COG2: variants seen among roughly 807,000 people sequenced by gnomAD.
The protein encoded by COG2 is component of oligomeric golgi complex 2, also known as conserved oligomeric Golgi complex subunit 2.
A neutral mutation model predicts 90.6 loss-of-function variants in COG2; 52 were observed. The ratio of observed to expected loss-of-function variants is 0.57; its 90% confidence interval spans 0.46 to 0.72. COG2 has a LOEUF of 0.72. Ranked by LOEUF, COG2 falls within the 30% of genes least tolerant of loss-of-function variation. The probability of loss-of-function intolerance (pLI) is 0.00; values close to 1 mark genes in which losing one functional copy is unlikely to be tolerated. For synonymous variants in COG2, 337 were observed against 320.4 expected, an observed-to-expected ratio of 1.05 and a Z score of -0.55; for missense variants, 829 against 891.2, an observed-to-expected ratio of 0.93 and a Z score of 0.89.
chr1:230,666,087 C>G (rs1247780143), intron 5 of COG2, among the ~76,000 whole-genome samples: 1 of 152,124 alleles, frequency 6.6e-6, no homozygotes, highest in Non-Finnish European at 1.5e-5. Flanking sequence ...TTCTGTAGTC[C>G]TCAGACTCAT....
At chr1:230,647,551 A>G (rs1004301301) in intron 1 of COG2, among the ~76,000 whole-genome samples, 1 of 152,122 alleles carries the variant, frequency 6.6e-6, no homozygotes, top group Non-Finnish European at 1.5e-5. Context: ...GCTTATCTCA[A>G]TACTCTTTGC....
At chr1:230,690,184 C>T in intron 16 of COG2, 31 bp downstream of exon 16, 2 of 1,604,662 alleles carry the variant, frequency 1.2e-6, no homozygotes, top group Non-Finnish European at 1.7e-6. Flanking sequence ...CCTTGTGGGC[C>T]TTGCTTAGAA....
At position 230,691,486 on chromosome 1, in the gene COG2, C is replaced by T. The variant is rs528401648; in HGVS notation, c.2037C>T (p.Val679=). Residue 679 remains valine (V), a synonymous_variant, in exon 17 of 18, where the codon GTC becomes GTT. Transcript: ENST00000366669. The stretch of plus-strand genomic sequence containing the variant: ...GAAAAACCACTCCCGCCAACCCCGT[C>T]GGTCCCAGTGGTGGCATGAGCGACG... ...QARKTTPANP[V]GPSGGMSDDD... 2.6e-4 allele frequency: 420 copies of T among 1,614,144 alleles called. 6 individuals carry two copies. The South Asian group carries it at 4.2e-3, about 16-fold the overall frequency.
rs533896357 is a variant in COG2 at position 230,677,316 on chromosome 1, G to A, written c.1027-1597G>A. Among the ~76,000 whole-genome samples the A allele has an allele frequency of 4.5e-4, 69 of 152,168 alleles. 1 individual carries two copies. Among genetic ancestry groups the A allele is most frequent in the Non-Finnish European group, 6.3e-4 (43 of 68,010 alleles). ...TTGTTGTTTGTCTAGCCTCCCTGGC[G>A]AATTTGTTTATTAATTTTTTAAGTG... is the stretch of plus-strand genomic sequence containing the variant. On this transcript the variant is annotated intron_variant, in intron 9 of 17. Coordinates refer to ENST00000366669, the MANE Select transcript of COG2 (RefSeq NM_007357.3).
intron 5 of COG2, among the ~76,000 whole-genome samples, chr1:230,667,416 A>G (rs922869981): frequency 6.6e-6 from 1 of 151,810 alleles, no homozygotes; most frequent in Non-Finnish European, 1.5e-5. Context: ...TTATTGTATT[A>G]TATTATATTC....
rs938169542 is a variant in COG2 at position 230,642,525 on chromosome 1, G to T, written c.-82G>T. 15 of 1,414,008 alleles carry T rather than the reference G, an allele frequency of 1.1e-5. No individual in the cohort carries two copies. The highest frequency in any genetic ancestry group is 1.3e-5 in the Non-Finnish European group (13 of 1,025,660). The allele number at this position is 1,414,008 out of a possible 1,614,324, so 87.6% of individuals were successfully genotyped here. On this transcript the variant is annotated 5_prime_UTR_variant, in exon 1 of 18. Coordinates refer to ENST00000366669, the MANE Select transcript of COG2 (RefSeq NM_007357.3). ...CCCCTGTGCCGTGGAAACTGGCGGT[G>T]GCCGCGGCCGCCGAGTCGGTCTGCG...
Position 230,691,402 on chromosome 1 carries a change from A to G in COG2, c.1953A>G (p.Ser651=). 1.2e-6 allele frequency: 2 copies of G among 1,613,496 alleles called. No homozygotes were observed. Among genetic ancestry groups the G allele is most frequent in the Non-Finnish European group, 1.7e-6 (2 of 1,179,826 alleles). ...ATTCAAGGTACTATGAAACCGTGTCAGATGTATTAAACTCTGTGAAGAAGA... is the reference window on the plus strand; with the variant it reads ...ATTCAAGGTACTATGAAACCGTGTCGGATGTATTAAACTCTGTGAAGAAGA... ...ESTHKYYETV[S]DVLNSVKKME... The change falls in exon 17 of 18, where the codon TCA becomes TCG. Residue 651 remains serine, a synonymous_variant. Coordinates refer to ENST00000366669, the MANE Select transcript of COG2 (RefSeq NM_007357.3).
At chr1:230,687,350 TCTC>T (rs900957543) in intron 13 of COG2, among the ~76,000 whole-genome samples, 3 of 152,222 alleles carry the variant, frequency 2.0e-5, no homozygotes, top group South Asian at 2.1e-4. Flanking sequence ...GGTGTGCACT[TCTC>T]CTCCTGTGTG....
intron 12 of COG2, among the ~76,000 whole-genome samples, chr1:230,685,449 T>A (rs568591344): frequency 1.6e-4 from 24 of 152,268 alleles, no homozygotes; most frequent in Non-Finnish European, 2.9e-4. Flanking sequence ...ATCACAAACT[T>A]ATTTTGTTGA....
At chr1:230,679,189 G>A (rs1392571460) in intron 10 of COG2, 137 bp downstream of exon 10, 8 of 804,172 alleles carry the variant, frequency 9.9e-6, no homozygotes. Context: ...ATTGAAAGTG[G>A]AGAAAGAGAT....
chr1:230,680,850 C>T (rs1662727505), intron 10 of COG2: 1 of 152,138 alleles, frequency 6.6e-6, no homozygotes, highest in Admixed American at 6.5e-5. Context: ...AAAAGTTCCG[C>T]AAACATGATT....
At chr1:230,643,207 C>T (rs1338520329) in intron 1 of COG2, among the ~76,000 whole-genome samples, 1 of 152,218 alleles carries the variant, frequency 6.6e-6, no homozygotes, top group Non-Finnish European at 1.5e-5. Context: ...CAAAGCAAAC[C>T]ATTACTCTTT....
At chr1:230,669,315 C>CA (rs762983711) in intron 6 of COG2, 41 bp from the exon 7 acceptor site, 2 of 1,574,204 alleles carry the variant, frequency 1.3e-6, no homozygotes. Context: ...GAAACTGTTA[C>CA]AACTAGAGCT....
At chr1:230,651,191 A>G (rs1661905800) in intron 1 of COG2, among the ~76,000 whole-genome samples, 1 of 152,036 alleles carries the variant, frequency 6.6e-6, no homozygotes, top group South Asian at 2.1e-4. Context: ...ATACAGAATG[A>G]TGATGTCTGG....
At position 230,659,587 on chromosome 1, in the gene COG2, A is replaced by G. The variant is rs762672649; in HGVS notation, c.196A>G (p.Lys66Glu). 1 of 1,614,072 alleles carries G rather than the reference A, an allele frequency of 6.2e-7. No individual in the cohort carries two copies. Among genetic ancestry groups the G allele is most frequent in the Admixed American group, 1.7e-5 (1 of 60,016 alleles). ...LKTAMVELIN[K>E]DYADFVNLST... ...AACAGCCATGGTCGAACTCATCAAC[A>G]AGGATTATGCAGATTTTGTCAATCT... is the stretch of plus-strand genomic sequence containing the variant. Residue 66 changes from lysine to glutamate, a missense_variant, in exon 2 of 18, where the codon AAG becomes GAG. By Grantham distance (56) the Lys-to-Glu change is moderately conservative. Coordinates refer to ENST00000366669, the MANE Select transcript of COG2 (RefSeq NM_007357.3).
Position 230,659,743 on chromosome 1 carries a change from T to G in COG2, c.234+118T>G, listed in dbSNP as rs889591623. On this transcript the variant is annotated intron_variant, in intron 2 of 17. Coordinates refer to ENST00000366669, the MANE Select transcript of COG2 (RefSeq NM_007357.3). ...TTTAGTTGATGTCCTCACAGAAATT[T>G]GAAGAGATCCCTAATGTCATCAATA... 4 of 1,046,638 alleles carry G rather than the reference T, an allele frequency of 3.8e-6. No homozygotes were observed. The African/African-American group carries it at 6.5e-5, about 17-fold the overall frequency. 64.8% of individuals were successfully genotyped at this position (1,046,638 alleles called of 1,614,324 possible).
At chr1:230,688,645 C>T (rs1662945556) in intron 15 of COG2, 83 bp downstream of exon 15, 8 of 1,466,196 alleles carry the variant, frequency 5.5e-6, no homozygotes, top group Admixed American at 3.4e-5. Context: ...AAGGAAGCGG[C>T]GGATTCCCAG....
intron 8 of COG2, 37 bp from the exon 9 acceptor site, chr1:230,674,961 A>C (rs766717659): frequency 6.5e-7 from 1 of 1,529,438 alleles, no homozygotes; most frequent in Non-Finnish European, 8.9e-7. Context: ...TAAGTAGATT[A>C]TGGTATATTT....
chr1:230,676,561 G>A (rs1289980453), intron 9 of COG2, among the ~76,000 whole-genome samples: 1 of 151,978 alleles, frequency 6.6e-6, no homozygotes, highest in Non-Finnish European at 1.5e-5. Context: ...CTTAAAAACT[G>A]GTCATTTTTA....
Sources: allele counts gnomAD v4.1 joint callset (sites outside exome capture counted in the v4.1 genomes callset), GRCh38; gene constraint gnomAD v4.1.1; transcripts MANE v1.5; gene names NCBI Gene and HGNC (gene_info 2026-07-23, HGNC 2026-07-21).